The following PARD3 variants were observed in gnomAD, a reference collection of about 807,000 sequenced individuals.
PARD3 encodes the protein par-3 family cell polarity regulator, also known as partitioning defective 3 homolog.
In PARD3, 75 loss-of-function variants were observed where a neutral mutation model predicts 155.4. That is an observed-to-expected ratio of 0.48 (90% CI 0.40 to 0.58). The LOEUF (loss-of-function observed/expected upper bound fraction) is 0.58, where lower values mean the gene tolerates loss of function less well. Among genes scored for constraint, PARD3 ranks in the 20% least tolerant of loss-of-function variants. The pLI is 0.00. For synonymous variants in PARD3, 576 were observed against 610.5 expected (o/e 0.94, Z 0.83); for missense variants, 1,642 against 1,721.7 (o/e 0.95, Z 0.82).
chr10:34,566,888 T>TC (rs2085989438), intron 2 of PARD3, among the ~76,000 whole-genome samples: 1 of 152,184 alleles, frequency 6.6e-6, no homozygotes, highest in African/African-American at 2.4e-5. Flanking sequence ...ATTAACACTC[T>TC]TTTTTTGAAT....
At chr10:34,252,461 T>C (rs1954374926) in intron 22 of PARD3, among the ~76,000 whole-genome samples, 1 of 152,056 alleles carries the variant, frequency 6.6e-6, no homozygotes, top group African/African-American at 2.4e-5. Context: ...CTGATGGCCA[T>C]GGGCAAGCGC....
At chr10:34,258,228 A>G (rs1954759880) in intron 22 of PARD3, among the ~76,000 whole-genome samples, 1 of 152,224 alleles carries the variant, frequency 6.6e-6, no homozygotes, top group South Asian at 2.1e-4. Context: ...TTTCAGGTAC[A>G]AAACTCCAGG....
At chr10:34,467,069 A>T (rs190610820) in intron 4 of PARD3, among the ~76,000 whole-genome samples, 1 of 152,226 alleles carries the variant, frequency 6.6e-6, no homozygotes, top group Non-Finnish European at 1.5e-5. Flanking sequence ...GGAAGTAAAA[A>T]GATTGCTGAA....
intron 18 of PARD3, 24 bp from the exon 19 acceptor site, chr10:34,331,368 A>T (rs1206016405): frequency 6.6e-7 from 1 of 1,524,212 alleles, no homozygotes; most frequent in Non-Finnish European, 9.1e-7. Flanking sequence ...AAGAAAAAAA[A>T]TGTTAGTGTG....
At chr10:34,798,086 G>A (rs555390456) in intron 1 of PARD3, among the ~76,000 whole-genome samples, 3 of 152,166 alleles carry the variant, frequency 2.0e-5, no homozygotes, top group South Asian at 4.2e-4. Context: ...ATGGGAGGCT[G>A]AGGCAAGAGG....
At chr10:34,495,640 A>G (rs1282930357) in intron 3 of PARD3, among the ~76,000 whole-genome samples, 1 of 152,172 alleles carries the variant, frequency 6.6e-6, no homozygotes, top group Non-Finnish European at 1.5e-5. Flanking sequence ...GGCAGAAAAT[A>G]TATTAGAAGA....
At chr10:34,625,772 G>A (rs566979223) in intron 2 of PARD3, among the ~76,000 whole-genome samples, 4 of 152,146 alleles carry the variant, frequency 2.6e-5, no homozygotes, top group Non-Finnish European at 4.4e-5. Flanking sequence ...TTAGCCAGGC[G>A]TGATGGCGCA....
At chr10:34,610,576 G>A (rs1016248334) in intron 2 of PARD3, among the ~76,000 whole-genome samples, 1 of 152,124 alleles carries the variant, frequency 6.6e-6, no homozygotes, top group Non-Finnish European at 1.5e-5. Context: ...ATCAGTGTGA[G>A]GAAAATTCTC....
intron 3 of PARD3, among the ~76,000 whole-genome samples, chr10:34,490,822 T>A (rs1357285619): frequency 6.6e-6 from 1 of 152,212 alleles, no homozygotes; most frequent in Non-Finnish European, 1.5e-5. Context: ...GTTCTAACAC[T>A]TCACCAGTCA....
At chr10:34,686,150 T>G (rs998117712) in intron 2 of PARD3, among the ~76,000 whole-genome samples, 1 of 152,194 alleles carries the variant, frequency 6.6e-6, no homozygotes, top group Non-Finnish European at 1.5e-5. Context: ...TGAACTACAA[T>G]TGTTACAAAT....
chr10:34,616,499 G>A (rs1374636034), intron 2 of PARD3, among the ~76,000 whole-genome samples: 3 of 152,142 alleles, frequency 2.0e-5, no homozygotes, highest in Non-Finnish European at 4.4e-5. Context: ...AGCAACTGAT[G>A]AACAGGTAAA....
At chr10:34,410,357 ATATT>A (rs960088804) in intron 5 of PARD3, among the ~76,000 whole-genome samples, 3 of 151,972 alleles carry the variant, frequency 2.0e-5, no homozygotes, top group Non-Finnish European at 4.4e-5. Context: ...TAAAATATAA[ATATT>A]TAATGTATCA....
chr10:34,125,566 G>C (rs1429563044), intron 23 of PARD3, among the ~76,000 whole-genome samples: 1 of 152,250 alleles, frequency 6.6e-6, no homozygotes, highest in Non-Finnish European at 1.5e-5. Flanking sequence ...CCCAGGCACA[G>C]GGAGGCAATC....
chr10:34,786,082 C>T (rs186419479), intron 1 of PARD3, among the ~76,000 whole-genome samples: 5 of 152,306 alleles, frequency 3.3e-5, no homozygotes, highest in East Asian at 1.9e-4. Context: ...TAATCAGTGA[C>T]GTAATGTCAA....
intron 7 of PARD3, among the ~76,000 whole-genome samples, chr10:34,398,488 AAT>A (rs1171733323): frequency 6.6e-6 from 1 of 152,212 alleles, no homozygotes; most frequent in Non-Finnish European, 1.5e-5. Context: ...CAATAAAAGA[AAT>A]AAGTTAAAAA....
rs55681930 is a variant in PARD3 at position 34,227,856 on chromosome 10, T to TTATA, written c.3419+41797_3419+41800dup. Among the ~76,000 whole-genome samples the TTATA allele has an allele frequency of 7.9e-3, 648 of 82,210 alleles. 23 individuals are homozygous for TTATA. The highest frequency in any genetic ancestry group is 0.035 in the Admixed American group (300 of 8,478). 53.9% of individuals were successfully genotyped at this position (82,210 alleles called of 152,430 possible). On this transcript the variant is annotated intron_variant, in intron 22 of 24. Coordinates refer to ENST00000374788, the MANE Select transcript of PARD3 (RefSeq NM_001184785.2). ...TATTCCCAGTAATGGGAATTATTTTTTATATATATATATATATATATATAT... is the reference window on the plus strand; with the variant it reads ...TATTCCCAGTAATGGGAATTATTTTTTATATATATATATATATATATATATATAT...
At chr10:34,293,717 GGAGT>G (rs1477653653) in intron 20 of PARD3, among the ~76,000 whole-genome samples, 2 of 152,082 alleles carry the variant, frequency 1.3e-5, no homozygotes, top group African/African-American at 4.8e-5. Context: ...TTTGGCTCAA[GGAGT>G]GATTATGAAA....
chr10:34,123,953 C>G (rs1947142459), intron 23 of PARD3, among the ~76,000 whole-genome samples: 1 of 152,118 alleles, frequency 6.6e-6, no homozygotes, highest in Non-Finnish European at 1.5e-5. Flanking sequence ...TGTGCTGCCA[C>G]TTATGAAATA....
chr10:34,440,315 G>A (rs1013575709), intron 5 of PARD3, among the ~76,000 whole-genome samples: 1 of 152,118 alleles, frequency 6.6e-6, no homozygotes, highest in Admixed American at 6.6e-5. Flanking sequence ...TAGATGGAAC[G>A]TAGAAATAAA....
Sources: gnomAD v4.1 joint callset for allele counts (sites outside exome capture counted in the v4.1 genomes callset) on GRCh38, gnomAD v4.1.1 for gene constraint, MANE v1.5 for transcripts, NCBI Gene and HGNC (gene_info 2026-07-23, HGNC 2026-07-21) for gene names.